OR51B5: variants seen among roughly 807,000 people sequenced by gnomAD.
OR51B5 encodes olfactory receptor 51B5.
For synonymous variants in OR51B5, 186 were observed against 144.8 expected (o/e 1.28, Z -2.04); for missense variants, 456 against 374.6 (o/e 1.22, Z -1.79).
intron 1 of OR51B5, among the ~76,000 whole-genome samples, chr11:5,482,614 A>G (rs1354323734): frequency 8.3e-6 from 1 of 119,786 alleles, no homozygotes; most frequent in Admixed American, 8.7e-5. Flanking sequence ...TCATCTGACA[A>G]AGGGCTAATA....
chr11:5,504,328 C>T (rs188976353), intron 1 of OR51B5, among the ~76,000 whole-genome samples: 7 of 152,326 alleles, frequency 4.6e-5, no homozygotes, highest in East Asian at 1.9e-4. Flanking sequence ...GACTTTAACA[C>T]GGCTTGTTTT....
intron 1 of OR51B5, among the ~76,000 whole-genome samples, chr11:5,434,196 G>A (rs1356263601): frequency 5.9e-5 from 9 of 152,120 alleles, no homozygotes; most frequent in South Asian, 2.1e-4. Flanking sequence ...TGAACCCAAT[G>A]TTGAGAACCA....
At chr11:5,440,014 C>A (rs781594543) in intron 1 of OR51B5, among the ~76,000 whole-genome samples, 1 of 152,164 alleles carries the variant, frequency 6.6e-6, no homozygotes, top group East Asian at 1.9e-4. Flanking sequence ...AATCAGTACC[C>A]TTCTTTCTTC....
intron 1 of OR51B5, among the ~76,000 whole-genome samples, chr11:5,358,193 T>A (rs563366728): frequency 2.6e-5 from 4 of 152,166 alleles, no homozygotes; most frequent in South Asian, 4.2e-4. Context: ...AAAAAATCAA[T>A]GAATCCAGAA....
intron 1 of OR51B5, chr11:5,488,710 T>G: frequency 6.2e-7 from 1 of 1,610,006 alleles, no homozygotes; most frequent in Non-Finnish European, 8.5e-7. Context: ...AGGAAGAATG[T>G]CAGATTCCAA....
intron 1 of OR51B5, among the ~76,000 whole-genome samples, chr11:5,434,106 G>T (rs975294946): frequency 6.6e-6 from 1 of 152,122 alleles, no homozygotes; most frequent in African/African-American, 2.4e-5. Flanking sequence ...AAATCCCAGT[G>T]CTCAGGTAAC....
intron 1 of OR51B5, among the ~76,000 whole-genome samples, chr11:5,368,070 A>G (rs1247869197): frequency 6.6e-6 from 1 of 152,178 alleles, no homozygotes; most frequent in Non-Finnish European, 1.5e-5. Flanking sequence ...GCTCCTATGG[A>G]GACCCAGGCT....
At chr11:5,398,218 A>G (rs1849910846) in intron 1 of OR51B5, among the ~76,000 whole-genome samples, 1 of 152,216 alleles carries the variant, frequency 6.6e-6, no homozygotes, top group South Asian at 2.1e-4. Flanking sequence ...ATAAGTTAGA[A>G]AAAAGAAATT....
chr11:5,480,143 T>C (rs1851394294), intron 1 of OR51B5, among the ~76,000 whole-genome samples: 1 of 151,844 alleles, frequency 6.6e-6, no homozygotes, highest in Non-Finnish European at 1.5e-5. Context: ...AGAACAGAGA[T>C]TATAACAAAC....
chr11:5,365,431 C>T (rs1429120909), intron 1 of OR51B5, among the ~76,000 whole-genome samples: 1 of 152,216 alleles, frequency 6.6e-6, no homozygotes, highest in Non-Finnish European at 1.5e-5. Flanking sequence ...CTGTAGAAAT[C>T]GCTGTGGAGA....
intron 1 of OR51B5, among the ~76,000 whole-genome samples, chr11:5,368,478 TC>T (rs1849406925): frequency 1.3e-5 from 2 of 152,206 alleles, no homozygotes; most frequent in Non-Finnish European, 2.9e-5. Flanking sequence ...ATTACTATAA[TC>T]ATCATTGAAA....
At position 5,489,372 on chromosome 11, in the gene OR51B5, C is replaced by G. The variant is rs551323771; in HGVS notation, n.84+16197G>C. On this transcript the variant is annotated intron_variant and non_coding_transcript_variant, in intron 1 of 4. Coordinates refer to the OR51B5 transcript ENST00000415970. ...CCATTCTCATTGCCATTTCCTATGG[C>G]TTTATCCTCCATGCAGTCTTTCATC... The G allele has an allele frequency of 2.5e-6, 4 of 1,613,984 alleles. No individual in the cohort carries two copies. In the East Asian group the frequency reaches 8.9e-5, roughly 36 times the overall value.
chr11:5,388,603 A>G (rs1471092486), intron 1 of OR51B5, among the ~76,000 whole-genome samples: 1 of 149,606 alleles, frequency 6.7e-6, no homozygotes, highest in Admixed American at 6.8e-5. Flanking sequence ...GTGAATATAC[A>G]GAGGAAATTA....
At chr11:5,424,509 C>T (rs1027392010) in intron 1 of OR51B5, among the ~76,000 whole-genome samples, 1 of 151,962 alleles carries the variant, frequency 6.6e-6, no homozygotes, top group Non-Finnish European at 1.5e-5. Flanking sequence ...TTCCTGAGGC[C>T]GCCCTCCATC....
intron 1 of OR51B5, among the ~76,000 whole-genome samples, chr11:5,395,647 C>T (rs1849857511): frequency 6.6e-6 from 1 of 152,148 alleles, no homozygotes; most frequent in Non-Finnish European, 1.5e-5. Context: ...GAGTGCTTTC[C>T]TCCACAGCCC....
chr11:5,381,159 TTCTC>T (rs71050492), intron 1 of OR51B5, among the ~76,000 whole-genome samples: 30 of 110,138 alleles, frequency 2.7e-4, no homozygotes, highest in Admixed American at 3.8e-4. Context: ...CGCTCGCTGT[TTCTC>T]TCTCTCTCTC....
At chr11:5,362,438 C>T (rs1043557039) in intron 1 of OR51B5, among the ~76,000 whole-genome samples, 2 of 152,084 alleles carry the variant, frequency 1.3e-5, no homozygotes, top group African/African-American at 2.4e-5. Flanking sequence ...GTTGTTGAGC[C>T]TTATAATGAG....
chr11:5,398,475 G>A (rs1849916310), intron 1 of OR51B5, among the ~76,000 whole-genome samples: 2 of 152,246 alleles, frequency 1.3e-5, no homozygotes, highest in Admixed American at 1.3e-4. Context: ...AGATATGAAT[G>A]CCACAGTGGC....
intron 1 of OR51B5, among the ~76,000 whole-genome samples, chr11:5,479,198 G>T (rs1270461990): frequency 1.4e-5 from 2 of 147,460 alleles, no homozygotes; most frequent in Admixed American, 6.7e-5. Flanking sequence ...GAGAGTGGGG[G>T]CCAATATTCA....
Sources: allele counts gnomAD v4.1 joint callset (sites outside exome capture counted in the v4.1 genomes callset), GRCh38; gene constraint gnomAD v4.1.1; transcripts MANE v1.5; gene names NCBI Gene and HGNC (gene_info 2026-07-23, HGNC 2026-07-21).